The following EREG variants were observed in gnomAD, a reference collection of about 807,000 sequenced individuals.
The protein encoded by EREG is proepiregulin.
EREG carries 23 observed loss-of-function variants against 22.4 expected under a neutral mutation model. That is an observed-to-expected ratio of 1.03 (90% confidence interval 0.74 to 1.46). EREG has a LOEUF of 1.46. Ranked by LOEUF, EREG falls within the 40% of genes most tolerant of loss-of-function variation. EREG has a pLI of 0.00. For missense variants in EREG, 226 were observed against 205.9 expected (o/e 1.10, Z -0.60); for synonymous variants, 100 against 75.4 (o/e 1.33, Z -1.69).
At chr4:74,384,481 C>T (rs1752534503) in intron 4 of EREG, among the ~76,000 whole-genome samples, 1 of 152,028 alleles carries the variant, frequency 6.6e-6, no homozygotes. Context: ...TATTCATGAT[C>T]ACGTTAAAGA....
At chr4:74,377,847 G>C (rs4694682) in intron 1 of EREG, among the ~76,000 whole-genome samples, 125,700 of 151,596 alleles carry the variant, frequency 0.83, 52,309 homozygotes, top group African/African-American at 0.87. Flanking sequence ...GAAACTACCC[G>C]CATTGATTCA....
intron 1 of EREG, among the ~76,000 whole-genome samples, chr4:74,373,999 C>A (rs1425027209): frequency 6.6e-6 from 1 of 152,110 alleles, no homozygotes; most frequent in East Asian, 1.9e-4. Flanking sequence ...TAGACAAATT[C>A]TAAAATCACA....
intron 4 of EREG, among the ~76,000 whole-genome samples, chr4:74,384,424 T>C (rs1752533358): frequency 6.6e-6 from 1 of 152,266 alleles, no homozygotes; most frequent in African/African-American, 2.4e-5. Flanking sequence ...AAAGAAAACC[T>C]AAAATTCAGA....
In EREG at chr4:74,385,970, G is replaced by C; in HGVS notation, c.*1162G>C. On this transcript the variant is annotated 3_prime_UTR_variant, in exon 5 of 5. Transcript: ENST00000244869. ...TCCAAATGAAAAATCTCAATTGAAAGCTTTTAAAATGTAGAAACTTAAACA... is the reference window on the plus strand; with the variant it reads ...TCCAAATGAAAAATCTCAATTGAAACCTTTTAAAATGTAGAAACTTAAACA... 1 of 385,320 alleles carries C rather than the reference G, an allele frequency of 2.6e-6. No individual in the cohort carries two copies. The highest frequency in any genetic ancestry group is 4.6e-6 in the Non-Finnish European group (1 of 217,408). 23.9% of individuals were successfully genotyped at this position (385,320 alleles called of 1,614,324 possible).
At position 74,379,429 on chromosome 4, in the gene EREG, G is replaced by C; in HGVS notation, c.68-19G>C. ...TCCTTAACACATTAGTTATATATTCGATTTTTCTTCATAAATAGGTTTCCA... is the reference window on the plus strand; with the variant it reads ...TCCTTAACACATTAGTTATATATTCCATTTTTCTTCATAAATAGGTTTCCA... On this transcript the variant is annotated intron_variant, in intron 1 of 4. Transcript: ENST00000244869. The C allele has an allele frequency of 6.8e-7, 1 of 1,472,430 alleles. No individual in the cohort carries two copies. The highest frequency in any genetic ancestry group is 9.5e-7 in the Non-Finnish European group (1 of 1,052,066). The allele number at this position is 1,472,430 out of a possible 1,614,324, so 91.2% of individuals were successfully genotyped here.
At chr4:74,379,371 T>C in intron 1 of EREG, 77 bp from the exon 2 acceptor site, 1 of 873,630 alleles carries the variant, frequency 1.1e-6, no homozygotes, top group South Asian at 1.4e-5. Flanking sequence ...CTATAAGTAC[T>C]GCAGTTATGT....
At chr4:74,383,134 G>C (rs1481547662) in intron 4 of EREG, among the ~76,000 whole-genome samples, 1 of 152,136 alleles carries the variant, frequency 6.6e-6, no homozygotes, top group Non-Finnish European at 1.5e-5. Flanking sequence ...TATTACCTAT[G>C]TGACCTTACA....
At chr4:74,373,616 A>G (rs920120582) in intron 1 of EREG, among the ~76,000 whole-genome samples, 4 of 147,458 alleles carry the variant, frequency 2.7e-5, no homozygotes, top group Non-Finnish European at 4.5e-5. Flanking sequence ...GTGTGTATAT[A>G]TGTGAGTGTA....
At chr4:74,377,089 T>TA (rs1261846323) in intron 1 of EREG, among the ~76,000 whole-genome samples, 3 of 149,434 alleles carry the variant, frequency 2.0e-5, no homozygotes, top group Non-Finnish European at 4.4e-5. Flanking sequence ...ACTGTCCACA[T>TA]ACACTGCTAA....
At chr4:74,378,502 T>C (rs1482606934) in intron 1 of EREG, among the ~76,000 whole-genome samples, 1 of 152,224 alleles carries the variant, frequency 6.6e-6, no homozygotes, top group African/African-American at 2.4e-5. Context: ...TGAAATTCGT[T>C]ATTCCCCAAA....
chr4:74,371,990 T>C (rs1472429777), intron 1 of EREG, among the ~76,000 whole-genome samples: 1 of 152,180 alleles, frequency 6.6e-6, no homozygotes, highest in Non-Finnish European at 1.5e-5. Context: ...TTCTTTCCAG[T>C]GTTTTGTTCA....
At chr4:74,368,221 T>A (rs148643414) in intron 1 of EREG, among the ~76,000 whole-genome samples, 253 of 152,342 alleles carry the variant, frequency 1.7e-3, no homozygotes, top group Non-Finnish European at 2.4e-3. Flanking sequence ...TCTGACTCTG[T>A]GCAAAATCAG....
At chr4:74,382,879 A>C in intron 4 of EREG, 85 bp downstream of exon 4, 10 of 968,512 alleles carry the variant, frequency 1.0e-5, no homozygotes, top group Non-Finnish European at 1.6e-5. Context: ...ATATGGATAA[A>C]GTATTAGAGA....
intron 1 of EREG, among the ~76,000 whole-genome samples, chr4:74,365,778 C>T (rs781092420): frequency 1.3e-5 from 2 of 150,254 alleles, no homozygotes; most frequent in Non-Finnish European, 2.9e-5. Flanking sequence ...TAGAAACTAG[C>T]GTAAGAAATT....
At position 74,387,956 on chromosome 4, in the gene EREG, G is replaced by GT. The variant is rs1560601540; in HGVS notation, c.*3149dup. On this transcript the variant is annotated 3_prime_UTR_variant, in exon 5 of 5. Transcript: ENST00000244869. ...TTATATTAAACATACATAATACAATGTAACTCCACTGTTCTCCTGAATATT... is the reference window on the plus strand; with the variant it reads ...TTATATTAAACATACATAATACAATGTTAACTCCACTGTTCTCCTGAATATT... The GT allele has an allele frequency of 5.9e-5, 9 of 152,260 alleles. No homozygotes were observed. Among genetic ancestry groups the GT allele is most frequent in the African/African-American group, 1.7e-4 (7 of 41,550 alleles). The allele number at this position is 152,260 out of a possible 1,614,324, so 9.4% of individuals were successfully genotyped here.
Position 74,379,544 on chromosome 4 carries a change from A to C in EREG, c.154+10A>C. On this transcript the variant is annotated intron_variant, in intron 2 of 4. Coordinates refer to ENST00000244869, the MANE Select transcript of EREG (RefSeq NM_001432.3). ...AACTGCACAGCTTTAGGTAAGCCCAAGTTTGTCAATGTGGCATCAAGAGAC... is the reference window on the plus strand; with the variant it reads ...AACTGCACAGCTTTAGGTAAGCCCACGTTTGTCAATGTGGCATCAAGAGAC... 1 of 1,534,526 alleles carries C rather than the reference A, an allele frequency of 6.5e-7. No homozygotes were observed. Among genetic ancestry groups the C allele is most frequent in the African/African-American group, 1.4e-5 (1 of 73,516 alleles).
chr4:74,385,525 T>C lies in EREG; in HGVS notation c.*717T>C. 1 of 192,514 alleles carries C rather than the reference T, an allele frequency of 5.2e-6. No individual in the cohort carries two copies. The highest frequency in any genetic ancestry group is 1.9e-4 in the South Asian group (1 of 5,232). The allele number at this position is 192,514 out of a possible 1,614,324, so 11.9% of individuals were successfully genotyped here. On this transcript the variant is annotated 3_prime_UTR_variant, in exon 5 of 5. Transcript: ENST00000244869. ...ATTGAAAAACAATTTTCTGTAATCT[T>C]TTATTTAAGTAGTGGGCATTTCATA...
chr4:74,366,783 G>A (rs1236189476), intron 1 of EREG, among the ~76,000 whole-genome samples: 1 of 152,146 alleles, frequency 6.6e-6, no homozygotes, highest in Non-Finnish European at 1.5e-5. Context: ...TGTCATGAAA[G>A]TGCTTACCTC....
intron 1 of EREG, among the ~76,000 whole-genome samples, chr4:74,376,834 G>A (rs1752388570): frequency 6.6e-6 from 1 of 151,914 alleles, no homozygotes; most frequent in African/African-American, 2.4e-5. Flanking sequence ...ATACACTGAG[G>A]GTATTTGAGA....
Sources: allele counts gnomAD v4.1 joint callset (sites outside exome capture counted in the v4.1 genomes callset), GRCh38; gene constraint gnomAD v4.1.1; transcripts MANE v1.5; gene names NCBI Gene and HGNC (gene_info 2026-07-23, HGNC 2026-07-21).